SPTBN1: variants seen among roughly 807,000 people sequenced by gnomAD.
SPTBN1 encodes the protein spectrin beta chain, non-erythrocytic 1.
SPTBN1 carries 32 observed loss-of-function variants against 266.4 expected under a neutral mutation model. The observed-to-expected ratio is 0.12, with a 90% confidence interval of 0.09 to 0.16. SPTBN1 has a LOEUF of 0.16. Ranked by LOEUF, SPTBN1 falls within the 10% of genes least tolerant of loss-of-function variation. The probability of loss-of-function intolerance (pLI) is 1.00; values close to 1 mark genes in which losing one functional copy is unlikely to be tolerated. For synonymous variants in SPTBN1, 1,336 were observed against 1,162.2 expected (o/e 1.15, Z -3.04); for missense variants, 2,296 against 3,067.1 (o/e 0.75, Z 5.94).
At chr2:54,557,884 T>G in intron 2 of SPTBN1, 1 of 985,366 alleles carries the variant, frequency 1.0e-6, no homozygotes, top group Non-Finnish European at 1.2e-6. Context: ...TTGTCTGACT[T>G]CTTCCCGGTG....
intron 1 of SPTBN1, among the ~76,000 whole-genome samples, chr2:54,518,063 T>G (rs1337955947): frequency 6.6e-6 from 1 of 152,128 alleles, no homozygotes; most frequent in Non-Finnish European, 1.5e-5. Flanking sequence ...TTTTCTTGTG[T>G]TGTTAATTAT....
At chr2:54,516,476 T>C (rs539555883) in intron 1 of SPTBN1, 3 of 152,326 alleles carry the variant, frequency 2.0e-5, no homozygotes, top group African/African-American at 4.8e-5. Context: ...AAAAGCATCA[T>C]AGCTGTGTGA....
In SPTBN1 at chr2:54,620,199, T is replaced by C. The variant is rs569851579; in HGVS notation, c.764-1201T>C. Among the ~76,000 whole-genome samples the C allele has an allele frequency of 4.9e-4, 75 of 152,346 alleles. No homozygotes were observed. In the South Asian group the frequency reaches 0.015, roughly 29 times the overall value. ...GGCTTGCCCGGACAGGCTTCTGCCC[T>C]TGGGGACTGAATTTTGTAAGGCAAA... On this transcript the variant is annotated intron_variant, in intron 7 of 35. Coordinates refer to ENST00000356805, the MANE Select transcript of SPTBN1 (RefSeq NM_003128.3).
chr2:54,650,866 G>A (rs1330059836), intron 26 of SPTBN1, among the ~76,000 whole-genome samples: 2 of 152,194 alleles, frequency 1.3e-5, no homozygotes, highest in African/African-American at 4.8e-5. Flanking sequence ...GCCTTGGGCT[G>A]ACCCAGTCTA....
intron 20 of SPTBN1, 137 bp downstream of exon 20, chr2:54,644,723 T>G: frequency 8.9e-7 from 1 of 1,129,674 alleles, no homozygotes; most frequent in Middle Eastern, 3.0e-4. Flanking sequence ...TATTACTTGC[T>G]CTAACAGCAT....
intron 1 of SPTBN1, among the ~76,000 whole-genome samples, chr2:54,485,790 G>A (rs1480844022): frequency 6.0e-5 from 9 of 149,672 alleles, no homozygotes; most frequent in South Asian, 2.1e-4. Flanking sequence ...AGTGAGGAGC[G>A]TCTCTGCCCG....
rs746385010 is a variant in SPTBN1 at position 54,626,338 on chromosome 2, A to G, written c.1644+104A>G. ...CTACGTACAGCTGTGTGCCTTGTCT[A>G]ACTGCCCACATGTACAGCTAGAGAG... On this transcript the variant is annotated intron_variant, in intron 12 of 35. Coordinates refer to ENST00000356805, the MANE Select transcript of SPTBN1 (RefSeq NM_003128.3). This position sits in a 1 kb window ranked among gnomAD's most constrained non-coding sequence, Gnocchi z 4.7. 1.4e-4 allele frequency: 192 copies of G among 1,358,686 alleles called. 3 individuals carry two copies. The South Asian group carries it at 2.5e-3, about 17-fold the overall frequency. 84.2% of individuals were successfully genotyped at this position (1,358,686 alleles called of 1,614,324 possible).
rs769892244 is a variant in SPTBN1 at position 54,649,602 on chromosome 2, A to G, written c.5203-13A>G. ...AGTGGGCTCTCTGATTTCCTTACCC[A>G]TCCCCGTTTCAGATGTTACAAGAAC... On this transcript the variant is annotated splice_polypyrimidine_tract_variant and intron_variant, in intron 25 of 35. Transcript: ENST00000356805. This position sits in a 1 kb window ranked among gnomAD's most constrained non-coding sequence, Gnocchi z 6.7. 1.1e-5 allele frequency: 18 copies of G among 1,602,640 alleles called. No individual in the cohort carries two copies. The African/African-American group carries it at 1.6e-4, about 14-fold the overall frequency.
chr2:54,587,431 C>T (rs1675366051), intron 2 of SPTBN1, among the ~76,000 whole-genome samples: 4 of 152,274 alleles, frequency 2.6e-5, no homozygotes, highest in Middle Eastern at 3.4e-3. Flanking sequence ...AGTCTGTATT[C>T]GTGTTAACGT....
intron 3 of SPTBN1, among the ~76,000 whole-genome samples, chr2:54,603,880 G>T (rs1350400830): frequency 6.6e-6 from 1 of 152,180 alleles, no homozygotes; most frequent in East Asian, 1.9e-4. Context: ...GCTGAGATCA[G>T]TGTCTTCTGT....
intron 1 of SPTBN1, among the ~76,000 whole-genome samples, chr2:54,463,482 G>A (rs1225437346): frequency 6.6e-6 from 1 of 152,222 alleles, no homozygotes; most frequent in Non-Finnish European, 1.5e-5. Flanking sequence ...TGGGCCCCAG[G>A]CTTCAGGCTC....
intron 2 of SPTBN1, among the ~76,000 whole-genome samples, chr2:54,556,080 A>C (rs533968643): frequency 1.3e-5 from 2 of 152,236 alleles, no homozygotes; most frequent in Admixed American, 1.3e-4. Context: ...GCACACATTA[A>C]ATACTGTAAA....
chr2:54,606,021 GGAA>G (rs771027203), intron 3 of SPTBN1, among the ~76,000 whole-genome samples: 1 of 152,164 alleles, frequency 6.6e-6, no homozygotes, highest in Non-Finnish European at 1.5e-5. Flanking sequence ...ATGTTCATGT[GGAA>G]GCACACACAC....
At chr2:54,502,082 T>G (rs1669302223) in intron 1 of SPTBN1, among the ~76,000 whole-genome samples, 1 of 152,224 alleles carries the variant, frequency 6.6e-6, no homozygotes, top group Non-Finnish European at 1.5e-5. Context: ...ATGTGTATTT[T>G]TCTTTTCAGG....
At chr2:54,665,081 T>C (rs979707319) in intron 33 of SPTBN1, among the ~76,000 whole-genome samples, 1 of 152,222 alleles carries the variant, frequency 6.6e-6, no homozygotes, top group Non-Finnish European at 1.5e-5. Flanking sequence ...TATATATTCA[T>C]TGTCTCTCAA....
At chr2:54,640,447 A>T (rs978279210) in intron 18 of SPTBN1, among the ~76,000 whole-genome samples, 1 of 152,206 alleles carries the variant, frequency 6.6e-6, no homozygotes, top group Non-Finnish European at 1.5e-5. Context: ...TTGTACCAGC[A>T]ATACAGTATG....
intron 19 of SPTBN1, among the ~76,000 whole-genome samples, chr2:54,643,536 C>G (rs1408960502): frequency 6.6e-6 from 1 of 152,146 alleles, no homozygotes; most frequent in Admixed American, 6.5e-5. Flanking sequence ...TATGAGACTA[C>G]TGTATACCAG....
chr2:54,487,341 C>A (rs1668453180), intron 1 of SPTBN1, among the ~76,000 whole-genome samples: 2 of 151,972 alleles, frequency 1.3e-5, no homozygotes, highest in African/African-American at 4.8e-5. Context: ...AAACATTATT[C>A]TCAGGACTAA....
rs149567677 is a variant in SPTBN1, at chr2:54,632,582, A to G, written c.3581A>G (p.His1194Arg). The G allele has an allele frequency of 2.5e-6, 4 of 1,614,142 alleles. No homozygotes were observed. In the African/African-American group the frequency reaches 5.3e-5, roughly 22 times the overall value. ...FLNNQEYVLAHTEMPTTLEGA... is the reference protein window; with the variant it reads ...FLNNQEYVLARTEMPTTLEGA... Reference sequence around the variant, plus strand: ...TTAAATAAGGAGTATGTTCTGGCTCACACTGAAATGCCTACCACCTTGGAA... The same window carrying G: ...TTAAATAAGGAGTATGTTCTGGCTCGCACTGAAATGCCTACCACCTTGGAA... Residue 1194 changes from histidine to arginine, a missense_variant, in exon 17 of 36, where the codon CAC becomes CGC. Transcript: ENST00000356805.
Sources: allele counts gnomAD v4.1 joint callset (sites outside exome capture counted in the v4.1 genomes callset), GRCh38; gene constraint gnomAD v4.1.1; non-coding constraint Gnocchi (gnomAD v3.1); transcripts MANE v1.5; gene names NCBI Gene and HGNC (gene_info 2026-07-23, HGNC 2026-07-21).